The following TCF4 variants were observed in gnomAD, a reference collection of about 807,000 sequenced individuals.
The protein encoded by TCF4 is transcription factor 4.
Under a neutral mutation model 82.1 loss-of-function variants are expected in TCF4, and 3 were observed. The ratio of observed to expected loss-of-function variants is 0.04; its 90% CI spans 0.02 to 0.09. TCF4 has a LOEUF of 0.09. Ranked by LOEUF, TCF4 falls within the 10% of genes least tolerant of loss-of-function variation. TCF4 has a pLI of 1.00. For missense variants in TCF4, 518 were observed against 852.7 expected (o/e 0.61, Z 4.89); for synonymous variants, 276 against 309.6 (o/e 0.89, Z 1.14).
At chr18:55,545,457 T>C (rs1023994953) in intron 3 of TCF4, among the ~76,000 whole-genome samples, 1 of 152,142 alleles carries the variant, frequency 6.6e-6, no homozygotes, top group African/African-American at 2.4e-5. Context: ...TGTTTTGTTT[T>C]TGTTTTTTTG....
In TCF4 at chr18:55,635,802, TG is replaced by T. The variant is rs1479313461; in HGVS notation, c.95del (p.Ala32GlufsTer16). ...TAAAAAATGATGGCTGGCTTTCAACTGCACCCTCCATCTTTGAGTAATTTGT... is the reference window on the plus strand; with the variant it reads ...TAAAAAATGATGGCTGGCTTTCAACTCACCCTCCATCTTTGAGTAATTTGT... On this transcript the variant is annotated frameshift_variant, in exon 1 of 21. Transcript: ENST00000398339. LOFTEE classifies it high-confidence loss of function. 3 of 1,553,424 alleles carry T rather than the reference TG, an allele frequency of 1.9e-6. No individual in the cohort carries two copies. In the African/African-American group the frequency reaches 4.1e-5, roughly 21 times the overall value.
intron 8 of TCF4, among the ~76,000 whole-genome samples, chr18:55,341,450 G>C (rs532464284): frequency 1.2e-4 from 19 of 152,310 alleles, no homozygotes; most frequent in Non-Finnish European, 2.5e-4. Context: ...ATAAAGGTTT[G>C]TTATCAGTAT....
At chr18:55,561,135 C>T (rs1358871318) in intron 3 of TCF4, among the ~76,000 whole-genome samples, 1 of 152,214 alleles carries the variant, frequency 6.6e-6, no homozygotes, top group African/African-American at 2.4e-5. Context: ...GCCTTTCAAT[C>T]TTCTTTTGTC....
chr18:55,336,828 T>C (rs894133448), intron 8 of TCF4, among the ~76,000 whole-genome samples: 1 of 152,122 alleles, frequency 6.6e-6, no homozygotes, highest in Admixed American at 6.5e-5. Context: ...TAATCTTTCA[T>C]ACGACATCCA....
At chr18:55,235,529 T>A (rs897062286) in intron 15 of TCF4, among the ~76,000 whole-genome samples, 1 of 152,200 alleles carries the variant, frequency 6.6e-6, no homozygotes, top group Admixed American at 6.5e-5. Context: ...GATTACTTCA[T>A]TAAAAAAATA....
chr18:55,255,011 A>C (rs2056428372), intron 14 of TCF4, among the ~76,000 whole-genome samples: 2 of 152,208 alleles, frequency 1.3e-5, no homozygotes, highest in Admixed American at 1.3e-4. Context: ...TTTAGAAGAG[A>C]AAAACATTCA....
intron 11 of TCF4, among the ~76,000 whole-genome samples, chr18:55,262,287 T>C (rs1428268793): frequency 2.6e-5 from 4 of 152,200 alleles, no homozygotes; most frequent in Non-Finnish European, 5.9e-5. Context: ...TATTACAGTA[T>C]ACAATTCAAA....
At chr18:55,415,966 T>G (rs2094512025) in intron 5 of TCF4, among the ~76,000 whole-genome samples, 1 of 152,232 alleles carries the variant, frequency 6.6e-6, no homozygotes, top group Non-Finnish European at 1.5e-5. Context: ...ATCAAATATG[T>G]AGCATTTAAA....
At chr18:55,260,716 T>C (rs2057878275) in intron 12 of TCF4, among the ~76,000 whole-genome samples, 1 of 152,048 alleles carries the variant, frequency 6.6e-6, no homozygotes, top group Non-Finnish European at 1.5e-5. Flanking sequence ...GTGCCACCCA[T>C]GCCTAGTTAA....
chr18:55,539,370 C>G (rs2097145611), intron 3 of TCF4, among the ~76,000 whole-genome samples: 2 of 152,158 alleles, frequency 1.3e-5, no homozygotes, highest in South Asian at 2.1e-4. Context: ...TAATCCAACC[C>G]TGAAAACTTT....
At chr18:55,586,840 C>CAA (rs34071688) in intron 2 of TCF4, 107 of 406,092 alleles carry the variant, frequency 2.6e-4, no homozygotes, top group Middle Eastern at 7.2e-4. Flanking sequence ...TAATAAAACT[C>CAA]AAAAAAAAAA....
At chr18:55,275,085 T>C (rs1257524937) in intron 10 of TCF4, among the ~76,000 whole-genome samples, 1 of 152,032 alleles carries the variant, frequency 6.6e-6, no homozygotes, top group East Asian at 1.9e-4. Context: ...ATCTGATCTA[T>C]GTAGAAACCT....
intron 5 of TCF4, among the ~76,000 whole-genome samples, chr18:55,429,376 A>T (rs1319663498): frequency 6.6e-6 from 1 of 152,222 alleles, no homozygotes; most frequent in Non-Finnish European, 1.5e-5. Context: ...AGGACAAAAC[A>T]TGTTCCCTTC....
At chr18:55,433,204 A>T (rs2095249968) in intron 5 of TCF4, among the ~76,000 whole-genome samples, 1 of 152,188 alleles carries the variant, frequency 6.6e-6, no homozygotes, top group African/African-American at 2.4e-5. Context: ...CTAAGCCCAA[A>T]ACATACCAGT....
intron 2 of TCF4, among the ~76,000 whole-genome samples, chr18:55,621,976 ATT>A (rs2097721218): frequency 7.8e-6 from 1 of 128,068 alleles, no homozygotes; most frequent in East Asian, 2.1e-4. Flanking sequence ...TATATTATAT[ATT>A]ATATATACAC....
intron 3 of TCF4, among the ~76,000 whole-genome samples, chr18:55,512,047 C>G (rs1391205790): frequency 6.6e-6 from 1 of 152,026 alleles, no homozygotes; most frequent in African/African-American, 2.4e-5. Flanking sequence ...CAGAAAATGC[C>G]AATTTCTAAA....
At chr18:55,495,943 G>C (rs1414071861) in intron 3 of TCF4, 1 of 152,086 alleles carries the variant, frequency 6.6e-6, no homozygotes, top group Non-Finnish European at 1.5e-5. Context: ...TTTAATTGAG[G>C]CAAGAATCAT....
Position 55,364,573 on chromosome 18 carries a change from G to A in TCF4, c.370-13570C>T, listed in dbSNP as rs73490850. Among the ~76,000 whole-genome samples the A allele has an allele frequency of 7.1e-3, 1,083 of 152,218 alleles. 16 individuals are homozygous for A. Among genetic ancestry groups the A allele is most frequent in the African/African-American group, 0.024 (1,010 of 41,526 alleles). Reference sequence around the variant, plus strand: ...GTCCTCCAAGGGAACTTTAGGTAGCGGCAAAAGGCAGAATGAAGATTATCT... The same window carrying A: ...GTCCTCCAAGGGAACTTTAGGTAGCAGCAAAAGGCAGAATGAAGATTATCT... On this transcript the variant is annotated intron_variant, in intron 6 of 19. Transcript: ENST00000354452.
chr18:55,385,986 G>A (rs552131965), intron 6 of TCF4, among the ~76,000 whole-genome samples: 1 of 152,292 alleles, frequency 6.6e-6, no homozygotes, highest in Admixed American at 6.5e-5. Flanking sequence ...GAAATGTAAG[G>A]AGCCATTCAA....
Sources: allele counts gnomAD v4.1 joint callset (sites outside exome capture counted in the v4.1 genomes callset), GRCh38; gene constraint gnomAD v4.1.1; transcripts MANE v1.5; gene names NCBI Gene and HGNC (gene_info 2026-07-23, HGNC 2026-07-21).